The following BEND4 variants were observed in gnomAD, a reference collection of about 807,000 sequenced individuals.
The protein encoded by BEND4 is BEN domain containing 4.
In BEND4, 27 loss-of-function variants were observed where a neutral mutation model predicts 54.7. The ratio of observed to expected loss-of-function variants is 0.49; its 90% CI spans 0.36 to 0.68. The LOEUF (loss-of-function observed/expected upper bound fraction) is 0.68. Among genes scored for constraint, BEND4 ranks in the 30% least tolerant of loss-of-function variants. BEND4 has a pLI of 0.00. For synonymous variants in BEND4, 327 were observed against 299.5 expected (o/e 1.09, Z -0.95); for missense variants, 702 against 697.2 (o/e 1.01, Z -0.08).
rs200486078 is a variant in BEND4 at position 42,117,626 on chromosome 4, C to T, written c.1497G>A (p.Ala499=). The T allele has an allele frequency of 2.9e-5, 46 of 1,612,534 alleles. No individual in the cohort carries two copies. The highest frequency in any genetic ancestry group is 3.5e-5 in the Non-Finnish European group (41 of 1,179,310). Residue 499 remains alanine, a synonymous_variant, in exon 6 of 6, where the codon GCG becomes GCA. Transcript: ENST00000502486. ...CACCGTTGTGCAGGAAAGTCCCCAC[C>T]GCCCGCCCCTGTCGGGCGTGACCGA... ...DAVGHARQGR[A]VGTFLHNGGS...
intron 3 of BEND4, among the ~76,000 whole-genome samples, chr4:42,140,821 G>A (rs906443754): frequency 1.3e-5 from 2 of 152,222 alleles, no homozygotes; most frequent in African/African-American, 4.8e-5. Context: ...AGATCAAGGA[G>A]TGCCACTAAG....
intron 4 of BEND4, 85 bp downstream of exon 4, chr4:42,125,498 G>C: frequency 9.7e-7 from 1 of 1,028,862 alleles, no homozygotes; most frequent in Non-Finnish European, 1.5e-6. Context: ...TTGCTAGCCA[G>C]TCTGTTCTGG....
chr4:42,123,707 A>AAAAAAAC (rs1560576056), intron 4 of BEND4, among the ~76,000 whole-genome samples: 2 of 151,230 alleles, frequency 1.3e-5, no homozygotes, highest in African/African-American at 4.9e-5. Context: ...AAAAAAAAAA[A>AAAAAAAC]AAAAAAAAAA....
rs1323756375 is a variant in BEND4 at position 42,120,311 on chromosome 4, T to C, written c.1147-17A>G. ...CTTGCTTCCCTGGAAAAGCGAAATA[T>C]TTTCTCATTACCCACCGAGCCAGCC... On this transcript the variant is annotated splice_polypyrimidine_tract_variant and intron_variant, in intron 4 of 5. Coordinates refer to ENST00000502486, the MANE Select transcript of BEND4 (RefSeq NM_207406.4). 3.1e-6 allele frequency: 5 copies of C among 1,591,542 alleles called. No homozygotes were observed. Among genetic ancestry groups the C allele is most frequent in the Non-Finnish European group, 4.3e-6 (5 of 1,161,834 alleles).
chr4:42,121,641 T>C lies in BEND4; in HGVS notation c.1147-1347A>G, dbSNP rs73812735. Among the ~76,000 whole-genome samples the C allele has an allele frequency of 6.6e-3, 999 of 152,262 alleles. 2 individuals are homozygous for C. The highest frequency in any genetic ancestry group is 0.01 in the Middle Eastern group (3 of 294). Reference sequence around the variant, plus strand: ...CTTGGCTGGGTACAGTGGTGGACCCTGTGTATAAGAGACAATCAAAAGATG... The same window carrying C: ...CTTGGCTGGGTACAGTGGTGGACCCCGTGTATAAGAGACAATCAAAAGATG... On this transcript the variant is annotated intron_variant, in intron 4 of 5. Coordinates refer to ENST00000502486, the MANE Select transcript of BEND4 (RefSeq NM_207406.4).
intron 5 of BEND4, among the ~76,000 whole-genome samples, chr4:42,118,041 G>T (rs1256505789): frequency 2.0e-5 from 3 of 152,124 alleles, no homozygotes; most frequent in African/African-American, 7.2e-5. Flanking sequence ...ACCATGTCTG[G>T]TGTAAGTCAA....
chr4:42,136,104 C>T (rs1159590558), intron 3 of BEND4, among the ~76,000 whole-genome samples: 1 of 152,110 alleles, frequency 6.6e-6, no homozygotes, highest in Admixed American at 6.6e-5. Flanking sequence ...TCTTTTCATC[C>T]ACCTCAGAGC....
At chr4:42,149,917 T>G (rs530544062) in intron 2 of BEND4, among the ~76,000 whole-genome samples, 2 of 151,956 alleles carry the variant, frequency 1.3e-5, no homozygotes, top group Admixed American at 1.3e-4. Flanking sequence ...AAGTAAAATA[T>G]GGAAAGACAA....
Position 42,117,485 on chromosome 4 carries a change from G to T in BEND4, c.*33C>A. The T allele has an allele frequency of 6.7e-7, 1 of 1,490,232 alleles. No individual in the cohort carries two copies. The highest frequency in any genetic ancestry group is 9.2e-7 in the Non-Finnish European group (1 of 1,081,610). 92.3% of individuals were successfully genotyped at this position (1,490,232 alleles called of 1,614,324 possible). A position where few individuals can be genotyped will look rare whatever the true frequency, so the allele number is the denominator to read the frequency against. On this transcript the variant is annotated 3_prime_UTR_variant, in exon 6 of 6. Coordinates refer to ENST00000502486, the MANE Select transcript of BEND4 (RefSeq NM_207406.4). ...ACATTCACAATTGGAACTCTTGAGAGGACCAGCTGCTACAACAGGAAGATT... is the reference window on the plus strand; with the variant it reads ...ACATTCACAATTGGAACTCTTGAGATGACCAGCTGCTACAACAGGAAGATT...
Position 42,117,334 on chromosome 4 carries a change from T to C in BEND4, c.*184A>G. On this transcript the variant is annotated 3_prime_UTR_variant, in exon 6 of 6. Transcript: ENST00000502486. ...TTTATAATATAATATTCCAAAAGTC[T>C]GTTGTAGGTGCCACAGACTTCCCAA... 2 of 536,754 alleles carry C rather than the reference T, an allele frequency of 3.7e-6. No homozygotes were observed. Among genetic ancestry groups the C allele is most frequent in the Middle Eastern group, 4.8e-4 (1 of 2,078 alleles). 33.2% of individuals were successfully genotyped at this position (536,754 alleles called of 1,614,324 possible). A position where few individuals can be genotyped will look rare whatever the true frequency, so the allele number is the denominator to read the frequency against.
rs1201906448 is a variant in BEND4 at position 42,143,837 on chromosome 4, A to C, written c.645T>G (p.Cys215Trp). The change falls in exon 3 of 6, where the codon TGT becomes TGG. Residue 215 changes from cysteine to tryptophan, a missense_variant. Physicochemically the swap from Cys to Trp is radical, Grantham distance 215. Coordinates refer to ENST00000502486, the MANE Select transcript of BEND4 (RefSeq NM_207406.4). ...GACTGTGGACCCCTTTCCCAATGTG[A>C]CAGTGCTCCTGTCTTTCGTTGTAAC... ...GSSYNERQEHCHIGKGVHSQT... is the reference protein window; with the variant it reads ...GSSYNERQEHWHIGKGVHSQT... The C allele has an allele frequency of 4.4e-6, 7 of 1,574,052 alleles. No individual in the cohort carries two copies. The highest frequency in any genetic ancestry group is 6.0e-6 in the Non-Finnish European group (7 of 1,161,890).
chr4:42,120,893 T>C (rs1236373149), intron 4 of BEND4, among the ~76,000 whole-genome samples: 4 of 152,192 alleles, frequency 2.6e-5, no homozygotes, highest in African/African-American at 9.6e-5. Flanking sequence ...CTTCTGCAAA[T>C]GCCACTATGT....
At position 42,115,404 on chromosome 4, in the gene BEND4, C is replaced by T. The variant is rs543367528; in HGVS notation, c.*2114G>A. ...GTGCTCTCATCAGCCTCAGCGAAGACCAGCACGATAGGGCTCCAAGATGAT... is the reference window on the plus strand; with the variant it reads ...GTGCTCTCATCAGCCTCAGCGAAGATCAGCACGATAGGGCTCCAAGATGAT... On this transcript the variant is annotated 3_prime_UTR_variant, in exon 6 of 6. Coordinates refer to ENST00000502486, the MANE Select transcript of BEND4 (RefSeq NM_207406.4). 6.6e-6 allele frequency: 1 copy of T among 152,168 alleles called. No homozygotes were observed. The highest frequency in any genetic ancestry group is 1.5e-5 in the Non-Finnish European group (1 of 68,058). 9.4% of individuals were successfully genotyped at this position (152,168 alleles called of 1,614,324 possible).
At chr4:42,149,840 T>C (rs1248688061) in intron 2 of BEND4, among the ~76,000 whole-genome samples, 1 of 151,630 alleles carries the variant, frequency 6.6e-6, no homozygotes, top group Non-Finnish European at 1.5e-5. Context: ...ACAGGAAATA[T>C]ATAGCCGGCT....
Position 42,147,193 on chromosome 4 carries a change from T to G in BEND4, c.488-3199A>C, listed in dbSNP as rs547413394. On this transcript the variant is annotated intron_variant, in intron 2 of 5. Transcript: ENST00000502486. ...TAGAGTAGAATTTTTTCTCTTTTCATTACCTTGAATTATTTGAATATTATT... is the reference window on the plus strand; with the variant it reads ...TAGAGTAGAATTTTTTCTCTTTTCAGTACCTTGAATTATTTGAATATTATT... Among the ~76,000 whole-genome samples, 9 of 152,316 alleles carry G rather than the reference T, an allele frequency of 5.9e-5. No homozygotes were observed. In the South Asian group the frequency reaches 1.7e-3, roughly 28 times the overall value.
intron 2 of BEND4, among the ~76,000 whole-genome samples, chr4:42,145,562 C>T (rs533145808): frequency 3.3e-5 from 5 of 151,694 alleles, no homozygotes; most frequent in African/African-American, 7.3e-5. Flanking sequence ...CATGGTGGCG[C>T]GCACCTGTAG....
chr4:42,130,503 C>CCACAATGA (rs1225077254), intron 3 of BEND4, among the ~76,000 whole-genome samples: 1 of 140,378 alleles, frequency 7.1e-6, no homozygotes, highest in Non-Finnish European at 1.5e-5. Flanking sequence ...AAAAAAAATA[C>CCACAATGA]CACAATGAGA....
In BEND4 at chr4:42,143,709, A is replaced by G; in HGVS notation, c.773T>C (p.Leu258Pro). ...VFTDSLQNYL[L>P]SGSFPTPNPS... ...GTTTGGAGTTGGAAAGCTTCCCGAGAGCAGGTAATTTTGTAGAGAGTCAGT... is the reference window on the plus strand; with the variant it reads ...GTTTGGAGTTGGAAAGCTTCCCGAGGGCAGGTAATTTTGTAGAGAGTCAGT... The change falls in exon 3 of 6, where the codon CTC becomes CCC. Residue 258 changes from leucine (L) to proline (P), a missense_variant. Leu to Pro is a moderately conservative substitution (Grantham distance 98, BLOSUM62 -3). Transcript: ENST00000502486. 2.0e-5 allele frequency: 32 copies of G among 1,614,022 alleles called. No individual in the cohort carries two copies. Among genetic ancestry groups the G allele is most frequent in the Non-Finnish European group, 2.7e-5 (32 of 1,179,896 alleles).
At position 42,112,319 on chromosome 4, in the gene BEND4, C is replaced by T. The variant is rs750759427; in HGVS notation, c.*5199G>A. ...TGCATTAAAGTACTTATCCAAGTAA[C>T]TGTCACACAATAACTCAATAGATAG... On this transcript the variant is annotated 3_prime_UTR_variant, in exon 6 of 6. Coordinates refer to ENST00000502486, the MANE Select transcript of BEND4 (RefSeq NM_207406.4). 1 of 152,180 alleles carries T rather than the reference C, an allele frequency of 6.6e-6. No homozygotes were observed. Among genetic ancestry groups the T allele is most frequent in the Non-Finnish European group, 1.5e-5 (1 of 68,044 alleles). 9.4% of individuals were successfully genotyped at this position (152,180 alleles called of 1,614,324 possible).
Sources: gnomAD v4.1 joint callset for allele counts (sites outside exome capture counted in the v4.1 genomes callset) on GRCh38, gnomAD v4.1.1 for gene constraint, MANE v1.5 for transcripts, NCBI Gene and HGNC (gene_info 2026-07-23, HGNC 2026-07-21) for gene names.